Variants in PGM5 observed in about 807,000 individuals in gnomAD.
PGM5 encodes phosphoglucomutase 5.
PGM5 carries 23 observed loss-of-function variants against 59.2 expected under a neutral mutation model. The observed-to-expected ratio is 0.39, with a 90% CI of 0.28 to 0.55. The LOEUF is 0.55. Among genes scored for constraint, PGM5 ranks in the 20% least tolerant of loss-of-function variants. The probability of loss-of-function intolerance (pLI) is 0.66; values close to 1 mark genes in which losing one functional copy is unlikely to be tolerated. For missense variants in PGM5, 574 were observed against 748.3 expected (o/e 0.77, Z 2.72); for synonymous variants, 214 against 286.0 (o/e 0.75, Z 2.54).
intron 10 of PGM5, among the ~76,000 whole-genome samples, chr9:68,513,098 C>A (rs1554689502): frequency 1.3e-5 from 2 of 152,228 alleles, no homozygotes; most frequent in Non-Finnish European, 2.9e-5. Context: ...TGATTACATT[C>A]AGTACAGCAT....
Position 68,357,286 on chromosome 9 carries a change from C to T in PGM5, c.159C>T (p.Asp53=). ...NFIQSVLSSI[D]LRDRQGCTMV... ...TCCAGAGCGTGCTGTCGTCCATCGACCTGCGCGACCGTCAGGGCTGCACCA... is the reference window on the plus strand; with the variant it reads ...TCCAGAGCGTGCTGTCGTCCATCGATCTGCGCGACCGTCAGGGCTGCACCA... Residue 53 remains aspartate (D), a synonymous_variant, in exon 1 of 11, where the codon GAC becomes GAT. Coordinates refer to ENST00000396396, the MANE Select transcript of PGM5 (RefSeq NM_021965.4). 1.3e-6 allele frequency: 2 copies of T among 1,545,344 alleles called. No homozygotes were observed. Among genetic ancestry groups the T allele is most frequent in the Non-Finnish European group, 8.7e-7 (1 of 1,146,316 alleles).
chr9:68,431,431 A>C (rs995717458), intron 6 of PGM5, among the ~76,000 whole-genome samples: 4 of 152,244 alleles, frequency 2.6e-5, no homozygotes, highest in Non-Finnish European at 4.4e-5. Flanking sequence ...TTGAGGGTTC[A>C]GAGTGAGGCT....
intron 6 of PGM5, among the ~76,000 whole-genome samples, chr9:68,446,779 C>G (rs1280748567): frequency 1.3e-5 from 2 of 152,162 alleles, no homozygotes; most frequent in Admixed American, 1.3e-4. Flanking sequence ...TAAAAAGAAA[C>G]TCAACTCATC....
chr9:68,434,812 C>T (rs1823420407), intron 6 of PGM5, among the ~76,000 whole-genome samples: 1 of 152,050 alleles, frequency 6.6e-6, no homozygotes, highest in Admixed American at 6.6e-5. Flanking sequence ...GGTGATCTCT[C>T]TGTGATGTAG....
At chr9:68,528,505 G>T (rs1825024402) in intron 10 of PGM5, among the ~76,000 whole-genome samples, 1 of 152,090 alleles carries the variant, frequency 6.6e-6, no homozygotes, top group Non-Finnish European at 1.5e-5. Flanking sequence ...CCAAAATATT[G>T]GGATTACAGG....
intron 8 of PGM5, among the ~76,000 whole-genome samples, chr9:68,482,618 A>G (rs1824216355): frequency 1.3e-5 from 2 of 152,332 alleles, no homozygotes; most frequent in South Asian, 2.1e-4. Context: ...GAGAACTCAC[A>G]TCCTTTCTCT....
At position 68,499,357 on chromosome 9, in the gene PGM5, C is replaced by T; in HGVS notation, c.1610C>T (p.Pro537Leu). ...ERDPSGHDQE[P>L]QAVLSPLIAI... Reference sequence around the variant, plus strand: ...GATCCCAGCGGCCATGACCAGGAGCCACAGGTACAGAAACAGCTGTGCTCC... The same window carrying T: ...GATCCCAGCGGCCATGACCAGGAGCTACAGGTACAGAAACAGCTGTGCTCC... The change falls in exon 10 of 11, where the codon CCA becomes CTA. Residue 537 changes from proline (P) to leucine (L), a missense_variant. Pro to Leu is a moderately conservative substitution (Grantham distance 98). Around this residue, in one of 7 missense-constraint regions of PGM5, gnomAD observed 300 missense variants for 280.0 expected, o/e 1.07. Transcript: ENST00000396396. The T allele has an allele frequency of 6.2e-7, 1 of 1,613,968 alleles. No homozygotes were observed. The highest frequency in any genetic ancestry group is 8.5e-7 in the Non-Finnish European group (1 of 1,179,950).
chr9:68,509,239 C>CT (rs1357085346), intron 10 of PGM5, among the ~76,000 whole-genome samples: 1 of 152,222 alleles, frequency 6.6e-6, no homozygotes, highest in East Asian at 1.9e-4. Context: ...CCCAGGAACG[C>CT]TGGCAGGCCT....
chr9:68,491,231 G>T (rs1364686566), intron 9 of PGM5, among the ~76,000 whole-genome samples: 1 of 152,170 alleles, frequency 6.6e-6, no homozygotes, highest in African/African-American at 2.4e-5. Context: ...TTTGTTGAAC[G>T]GTATTACAGA....
At chr9:68,504,172 T>C (rs1371185216) in intron 10 of PGM5, among the ~76,000 whole-genome samples, 1 of 152,226 alleles carries the variant, frequency 6.6e-6, no homozygotes, top group African/African-American at 2.4e-5. Flanking sequence ...CTATTTCTGT[T>C]GCTTATTGGA....
At chr9:68,413,526 G>A (rs1822971504) in intron 6 of PGM5, among the ~76,000 whole-genome samples, 1 of 152,172 alleles carries the variant, frequency 6.6e-6, no homozygotes, top group Non-Finnish European at 1.5e-5. Flanking sequence ...AATTAAAGAT[G>A]CTCTTACCTT....
At chr9:68,375,231 T>A (rs1587775141) in intron 1 of PGM5, among the ~76,000 whole-genome samples, 2 of 152,316 alleles carry the variant, frequency 1.3e-5, no homozygotes, top group East Asian at 3.9e-4. Context: ...CAATCACTTC[T>A]GCAATATATA....
chr9:68,493,440 G>A (rs192455703), intron 9 of PGM5, among the ~76,000 whole-genome samples: 1 of 152,220 alleles, frequency 6.6e-6, no homozygotes, highest in Admixed American at 6.5e-5. Flanking sequence ...GTTGCATATG[G>A]TTCAACCTCA....
At chr9:68,386,871 C>A (rs1822233561) in intron 3 of PGM5, among the ~76,000 whole-genome samples, 1 of 151,950 alleles carries the variant, frequency 6.6e-6, no homozygotes. Flanking sequence ...TTAATGAGAA[C>A]TTCTAGATAT....
chr9:68,389,186 T>C (rs552225687), intron 4 of PGM5, among the ~76,000 whole-genome samples: 7 of 152,242 alleles, frequency 4.6e-5, no homozygotes, highest in African/African-American at 1.7e-4. Context: ...AGATTCTCTC[T>C]TGTAAAAACG....
At chr9:68,364,154 G>A (rs1204715469) in intron 1 of PGM5, among the ~76,000 whole-genome samples, 2 of 152,044 alleles carry the variant, frequency 1.3e-5, no homozygotes, top group Non-Finnish European at 2.9e-5. Context: ...ATTCAAGAAT[G>A]TCTCAGTGTC....
chr9:68,440,647 T>G (rs2092985459), intron 6 of PGM5, among the ~76,000 whole-genome samples: 1 of 152,062 alleles, frequency 6.6e-6, no homozygotes, highest in African/African-American at 2.4e-5. Flanking sequence ...ACATCAAAAT[T>G]TGTAGGATGC....
chr9:68,409,547 A>G (rs1255785324), intron 6 of PGM5, among the ~76,000 whole-genome samples: 181 of 146,500 alleles, frequency 1.2e-3, no homozygotes, highest in African/African-American at 3.1e-3. Flanking sequence ...ATGCAGCCAT[A>G]AAAAATGATG....
chr9:68,448,729 C>G (rs1453156461), intron 6 of PGM5, among the ~76,000 whole-genome samples: 4 of 152,188 alleles, frequency 2.6e-5, no homozygotes, highest in African/African-American at 9.7e-5. Flanking sequence ...TTGCCAGACC[C>G]TGAACTGAGT....
Sources: allele counts gnomAD v4.1 joint callset (sites outside exome capture counted in the v4.1 genomes callset), GRCh38; gene constraint gnomAD v4.1.1; regional missense constraint gnomAD v4.1.1; transcripts MANE v1.5; gene names NCBI Gene and HGNC (gene_info 2026-07-23, HGNC 2026-07-21).